CDK10: variants seen among roughly 807,000 people sequenced by gnomAD.
The protein encoded by CDK10 is cyclin-dependent kinase 10.
In CDK10, 55 loss-of-function variants were observed where a neutral mutation model predicts 51.0. That is an observed-to-expected ratio of 1.08 (90% CI 0.87 to 1.35). The LOEUF (loss-of-function observed/expected upper bound fraction) is 1.35. CDK10 is among the 40% of genes most tolerant of loss of function. The pLI is 0.00. For synonymous variants in CDK10, 255 were observed against 199.1 expected (o/e 1.28, Z -2.36); for missense variants, 589 against 485.1 (o/e 1.21, Z -2.01).
chr16:89,692,198 C>T (rs1421045134), intron 5 of CDK10: 9 of 536,990 alleles, frequency 1.7e-5, no homozygotes, highest in African/African-American at 6.3e-5. Context: ...GAGCCCTGGG[C>T]GGAGAGCCTT....
At chr16:89,689,037 T>G (rs1390340553) in intron 1 of CDK10, among the ~76,000 whole-genome samples, 2 of 151,994 alleles carry the variant, frequency 1.3e-5, no homozygotes, top group Non-Finnish European at 2.9e-5. Context: ...GAGGCGGAGG[T>G]TGCAGTGAAC....
rs866278743 is a variant in CDK10, at chr16:89,691,886, A to T, written c.416A>T (p.Gln139Leu). ...ENMPTPFSEA[Q>L]VKCIVLQVLR... ...ATGCCAACACCCTTCTCGGAGGCTC[A>T]GGTGCGTGGCAGAGGGGCCTGGGGT... The change falls in exon 5 of 13, where the codon CAG becomes CTG. Residue 139 changes from glutamine to leucine, a missense_variant and splice_region_variant. Coordinates refer to ENST00000353379, the MANE Select transcript of CDK10 (RefSeq NM_052988.5). The T allele has an allele frequency of 1.2e-6, 2 of 1,613,618 alleles. No homozygotes were observed. Among genetic ancestry groups the T allele is most frequent in the Admixed American group, 3.3e-5 (2 of 59,986 alleles).
intron 1 of CDK10, chr16:89,687,193 C>T: frequency 4.0e-6 from 1 of 251,732 alleles, no homozygotes; most frequent in Non-Finnish European, 8.1e-6. Context: ...AAGGCTCCCG[C>T]TGGGCTTGGG....
rs781401717 is a variant in CDK10, at chr16:89,695,341, C to T, written c.981C>T (p.Pro327=). 1 of 1,612,368 alleles carries T rather than the reference C, an allele frequency of 6.2e-7. No homozygotes were observed. Among genetic ancestry groups the T allele is most frequent in the South Asian group, 1.1e-5 (1 of 90,992 alleles). Reference sequence around the variant, plus strand: ...AGAGCTCCTATTTCAAGGAGAAGCCCCTACGTGAGTGTGCAGGGTTCCTGA... The same window carrying T: ...AGAGCTCCTATTTCAAGGAGAAGCCTCTACGTGAGTGTGCAGGGTTCCTGA... The part of the protein sequence containing the change: ...CLESSYFKEK[P]LPCEPELMPT... The change falls in exon 12 of 13, where the codon CCC becomes CCT. Residue 327 remains proline, a synonymous_variant. Coordinates refer to ENST00000353379, the MANE Select transcript of CDK10 (RefSeq NM_052988.5).
At chr16:89,693,720 A>T in intron 8 of CDK10, 1 of 576,030 alleles carries the variant, frequency 1.7e-6, no homozygotes, top group Non-Finnish European at 3.1e-6. Flanking sequence ...AGCTGGAAAC[A>T]CCGTGGCCGT....
intron 9 of CDK10, 129 bp downstream of exon 9, chr16:89,694,361 C>T (rs768266596): frequency 9.2e-5 from 95 of 1,028,826 alleles, no homozygotes; most frequent in Admixed American, 1.2e-4. Context: ...GCCTCCCACT[C>T]CCAGGGAGGT....
intron 1 of CDK10, chr16:89,687,645 C>T (rs757529539): frequency 4.5e-6 from 2 of 442,804 alleles, no homozygotes; most frequent in Non-Finnish European, 9.2e-6. Context: ...CTCAGTGCAT[C>T]GTCAGCCTCC....
rs747404140 is a variant in CDK10 at position 89,689,314 on chromosome 16, C to T, written c.150C>T (p.Tyr50=). The part of the protein sequence containing the change: ...EKLNRIGEGT[Y]GIVYRARDTQ... ...TGAACCGCATTGGAGAGGGTACCTACGGCATTGTGTGTGAGTGGCCAAGGC... is the reference window on the plus strand; with the variant it reads ...TGAACCGCATTGGAGAGGGTACCTATGGCATTGTGTGTGAGTGGCCAAGGC... Residue 50 remains tyrosine (Y), a synonymous_variant, in exon 2 of 13, where the codon TAC becomes TAT. Coordinates refer to ENST00000353379, the MANE Select transcript of CDK10 (RefSeq NM_052988.5). 25 of 1,613,744 alleles carry T rather than the reference C, an allele frequency of 1.5e-5. No homozygotes were observed. The East Asian group carries it at 2.0e-4, about 13-fold the overall frequency.
intron 7 of CDK10, 30 bp downstream of exon 7, chr16:89,693,356 C>T: frequency 6.2e-7 from 1 of 1,614,110 alleles, no homozygotes; most frequent in Non-Finnish European, 8.5e-7. Flanking sequence ...GGCCCTGTCC[C>T]TAGATGGCAC....
intron 12 of CDK10, 83 bp downstream of exon 12, chr16:89,695,428 C>T: frequency 6.6e-7 from 1 of 1,512,834 alleles, no homozygotes; most frequent in South Asian, 1.1e-5. Context: ...GAGAAGTGGC[C>T]TGCTGCCCTC....
chr16:89,688,476 C>G (rs1035524624), intron 1 of CDK10, among the ~76,000 whole-genome samples: 1 of 152,128 alleles, frequency 6.6e-6, no homozygotes, highest in South Asian at 2.1e-4. Flanking sequence ...TTTTTTCACT[C>G]TCCCCTAACA....
chr16:89,688,538 A>AT (rs376625934), intron 1 of CDK10, among the ~76,000 whole-genome samples: 1 of 151,892 alleles, frequency 6.6e-6, no homozygotes, highest in Admixed American at 6.6e-5. Context: ...TTCTGGTTCC[A>AT]TTTTTTCTTC....
At chr16:89,688,286 G>C (rs258323) in intron 1 of CDK10, among the ~76,000 whole-genome samples, 49,872 of 151,664 alleles carry the variant, frequency 0.33, 10,014 homozygotes, top group Middle Eastern at 0.69. Flanking sequence ...GTTTCACCGT[G>C]TTAGTCAGGG....
intron 3 of CDK10, 100 bp downstream of exon 3, chr16:89,690,724 CG>C: frequency 9.6e-7 from 1 of 1,041,546 alleles, no homozygotes; most frequent in Non-Finnish European, 1.5e-6. Context: ...GTGCTTGTAG[CG>C]GGGGCCGGCC....
intron 2 of CDK10, 51 bp from the exon 3 acceptor site, chr16:89,690,502 G>A (rs1597846789): frequency 1.0e-5 from 16 of 1,531,938 alleles, no homozygotes; most frequent in Non-Finnish European, 1.4e-5. Flanking sequence ...GCGCTAGGGA[G>A]CCCACGAGGG....
At chr16:89,694,817 CCGCCCG>C (rs1567524814) in intron 10 of CDK10, 29 bp downstream of exon 10, 6 of 1,205,460 alleles carry the variant, frequency 5.0e-6, no homozygotes, top group South Asian at 1.6e-5. Context: ...CCCGCAGCCC[CCGCCCG>C]TGCCCACGCC....
chr16:89,687,022 G>T (rs1337147240), intron 1 of CDK10: 24 of 457,928 alleles, frequency 5.2e-5, no homozygotes, highest in Non-Finnish European at 7.7e-6. Flanking sequence ...GCTCAGGGAT[G>T]CCTCGCGCCC....
At position 89,693,414 on chromosome 16, in the gene CDK10, C is replaced by G. The variant is rs554811580; in HGVS notation, c.555C>G (p.Ala185=). ...CTGCTGCAGCGGATTTCGGCCTGGC[C>G]CGGGCCTATGGTGTCCCAGTAAAGC... is the stretch of plus-strand genomic sequence containing the variant. ...GCVKTADFGL[A]RAYGVPVKPM... is the part of the protein sequence containing the mutation. The change falls in exon 8 of 13, where the codon GCC becomes GCG. Residue 185 remains alanine (A), a synonymous_variant. Transcript: ENST00000353379. The G allele has an allele frequency of 1.4e-5, 22 of 1,614,152 alleles. No individual in the cohort carries two copies. The East Asian group carries it at 2.7e-4, about 20-fold the overall frequency.
At chr16:89,694,812 A>AGCCCCC (rs2060626357) in intron 10 of CDK10, 24 bp downstream of exon 10, 1 of 1,211,198 alleles carries the variant, frequency 8.3e-7, no homozygotes, top group Non-Finnish European at 1.1e-6. Context: ...GCAGACCCGC[A>AGCCCCC]GCCCCCGCCC....
Sources: allele counts gnomAD v4.1 joint callset (sites outside exome capture counted in the v4.1 genomes callset), GRCh38; gene constraint gnomAD v4.1.1; transcripts MANE v1.5; gene names NCBI Gene and HGNC (gene_info 2026-07-23, HGNC 2026-07-21).